SYNE2: variants seen among roughly 807,000 people sequenced by gnomAD.
SYNE2 encodes spectrin repeat containing nuclear envelope protein 2.
A neutral mutation model predicts 856.3 loss-of-function variants in SYNE2; 431 were observed. The ratio of observed to expected loss-of-function variants is 0.50; its 90% CI spans 0.47 to 0.55. SYNE2 has a LOEUF of 0.55. SYNE2 is among the 20% of genes least tolerant of loss of function. The probability of loss-of-function intolerance (pLI) is 0.00; values close to 1 mark genes in which losing one functional copy is unlikely to be tolerated. For missense variants in SYNE2, 8,129 were observed against 8,023.2 expected (o/e 1.01, Z -0.50); for synonymous variants, 2,923 against 2,872.3 (o/e 1.02, Z -0.56).
intron 1 of SYNE2, among the ~76,000 whole-genome samples, chr14:63,830,969 T>C (rs1889647295): frequency 1.3e-5 from 2 of 151,240 alleles, no homozygotes; most frequent in Admixed American, 1.3e-4. Context: ...GCCTCCCGAG[T>C]ATCTGGGATT....
At chr14:64,008,676 G>C (rs1046080292) in intron 31 of SYNE2, among the ~76,000 whole-genome samples, 1 of 152,152 alleles carries the variant, frequency 6.6e-6, no homozygotes, top group Non-Finnish European at 1.5e-5. Flanking sequence ...AGGGTGGGGA[G>C]TGGTGGAATG....
chr14:63,923,399 C>G (rs925573307), intron 2 of SYNE2, among the ~76,000 whole-genome samples: 1 of 152,238 alleles, frequency 6.6e-6, no homozygotes, highest in Non-Finnish European at 1.5e-5. Flanking sequence ...GTAGAAATCA[C>G]TGATCTTATG....
chr14:64,019,855 G>A (rs1245085639), intron 34 of SYNE2, 137 bp from the exon 35 acceptor site: 2 of 675,018 alleles, frequency 3.0e-6, no homozygotes, highest in East Asian at 2.8e-5. Flanking sequence ...TAACTTCTAG[G>A]ACTCTGACAA....
rs34392423 is a variant in SYNE2 at position 63,883,862 on chromosome 14, A to ATTT, written c.-51-25219_-51-25217dup. On this transcript the variant is annotated intron_variant, in intron 1 of 115. Coordinates refer to ENST00000555002, the MANE Select transcript of SYNE2 (RefSeq NM_182914.3). ...TTGCTTATAATACAGAAGCTGGTGA[A>ATTT]TTTTTTTTTTTTTTTTTTTGCATGG... 4.5e-3 allele frequency among the ~76,000 whole-genome samples: 582 copies of ATTT among 130,478 alleles called. 8 individuals are homozygous for ATTT. The highest frequency in any genetic ancestry group is 0.01 in the Admixed American group (129 of 12,654). 85.6% of individuals were successfully genotyped at this position (130,478 alleles called of 152,430 possible).
chr14:63,862,654 A>C (rs1894049185), intron 1 of SYNE2, among the ~76,000 whole-genome samples: 1 of 152,224 alleles, frequency 6.6e-6, no homozygotes, highest in Non-Finnish European at 1.5e-5. Context: ...AGTAAGAAAG[A>C]CTATACACGC....
rs576359134 is a variant in SYNE2 at position 63,987,514 on chromosome 14, C to T, written c.2313+897C>T. On this transcript the variant is annotated intron_variant, in intron 19 of 115. Coordinates refer to ENST00000555002, the MANE Select transcript of SYNE2 (RefSeq NM_182914.3). ...TGTAAAACCTACAGAGCATAAGTTA[C>T]AACAAGATGGGAAGTTCCTGGAATA... Among the ~76,000 whole-genome samples the T allele has an allele frequency of 1.2e-3, 184 of 152,220 alleles. 1 individual carries two copies. The highest frequency in any genetic ancestry group is 2.2e-3 in the Non-Finnish European group (149 of 68,006).
At chr14:63,876,051 A>G (rs537074918) in intron 1 of SYNE2, among the ~76,000 whole-genome samples, 1 of 152,268 alleles carries the variant, frequency 6.6e-6, no homozygotes, top group African/African-American at 2.4e-5. Flanking sequence ...AGTTTAAACT[A>G]TGATGGACCT....
intron 1 of SYNE2, among the ~76,000 whole-genome samples, chr14:63,772,660 T>A (rs1226588179): frequency 6.6e-6 from 1 of 150,392 alleles, no homozygotes; most frequent in Non-Finnish European, 1.5e-5. Flanking sequence ...GGAGAATCAC[T>A]TGAACCCGGG....
At chr14:63,815,063 CATCCACATATAT>C (rs1377556570) in intron 1 of SYNE2, among the ~76,000 whole-genome samples, 2 of 112,560 alleles carry the variant, frequency 1.8e-5, no homozygotes, top group African/African-American at 6.6e-5. Context: ...TCCATATATA[CATCCACATATAT>C]ATATCCATAT....
At chr14:64,085,043 T>TGA (rs2097549990) in intron 57 of SYNE2, 2 of 700,838 alleles carry the variant, frequency 2.9e-6, no homozygotes, top group African/African-American at 3.5e-5. Context: ...TCCAAGAGAG[T>TGA]GAGAGAGAGC....
intron 108 of SYNE2, 40 bp downstream of exon 108, chr14:64,216,427 G>A: frequency 6.3e-7 from 1 of 1,599,226 alleles, no homozygotes; most frequent in Non-Finnish European, 8.6e-7. Flanking sequence ...CTATGTCTGT[G>A]AGTCATACTT....
chr14:63,998,201 T>C lies in SYNE2; in HGVS notation c.3244-18T>C. On this transcript the variant is annotated intron_variant, in intron 25 of 115. Transcript: ENST00000555002. ...TATGTTTAAGATATTTCGTTTACTA[T>C]TTTGCATATTCCCTTAGGCAATGGA... 1 of 1,538,688 alleles carries C rather than the reference T, an allele frequency of 6.5e-7. No homozygotes were observed. The highest frequency in any genetic ancestry group is 1.7e-4 in the Middle Eastern group (1 of 5,918).
intron 48 of SYNE2, 103 bp downstream of exon 48, chr14:64,053,760 T>A: frequency 1.7e-6 from 2 of 1,161,096 alleles, no homozygotes; most frequent in Non-Finnish European, 2.4e-6. Context: ...TGAGGCCAAG[T>A]AGAGACCAGC....
At chr14:63,931,783 A>G (rs970736928) in intron 2 of SYNE2, among the ~76,000 whole-genome samples, 5 of 152,162 alleles carry the variant, frequency 3.3e-5, no homozygotes, top group African/African-American at 1.2e-4. Context: ...CCAAGTTCTC[A>G]TGTTGAGTAG....
intron 6 of SYNE2, among the ~76,000 whole-genome samples, chr14:63,945,049 C>T (rs1251555040): frequency 1.3e-5 from 2 of 149,950 alleles, no homozygotes; most frequent in South Asian, 2.1e-4. Flanking sequence ...CTCAAATCCA[C>T]GCACCTCGGC....
chr14:64,195,643 C>T (rs1480155423), intron 99 of SYNE2, among the ~76,000 whole-genome samples: 1 of 152,232 alleles, frequency 6.6e-6, no homozygotes, highest in Non-Finnish European at 1.5e-5. Flanking sequence ...GAAGTTACGA[C>T]CGTGGCAGTT....
chr14:64,030,441 C>T (rs866219603), intron 44 of SYNE2, among the ~76,000 whole-genome samples: 1 of 152,180 alleles, frequency 6.6e-6, no homozygotes, highest in African/African-American at 2.4e-5. Flanking sequence ...AACTGTACAT[C>T]GTTCACCTAG....
At position 64,141,817 on chromosome 14, in the gene SYNE2, T is replaced by C. The variant is rs533327415; in HGVS notation, c.15160-125T>C. ...TAAGTTTGAATGCTGGGTTTGTTTT[T>C]TTTTTGAGTAACCTGCATAATTATA... On this transcript the variant is annotated intron_variant, in intron 81 of 115. Coordinates refer to ENST00000555002, the MANE Select transcript of SYNE2 (RefSeq NM_182914.3). 6.3e-4 allele frequency: 828 copies of C among 1,310,316 alleles called. 1 individual carries two copies. Among genetic ancestry groups the C allele is most frequent in the Admixed American group, 1.9e-3 (81 of 41,880 alleles). 81.2% of individuals were successfully genotyped at this position (1,310,316 alleles called of 1,614,324 possible).
chr14:64,134,213 C>A lies in SYNE2; in HGVS notation c.14646+13C>A. On this transcript the variant is annotated intron_variant, in intron 78 of 115. Coordinates refer to ENST00000555002, the MANE Select transcript of SYNE2 (RefSeq NM_182914.3). ...TTCATTTTACCAGGTATTTGTCTTC[C>A]ATTTAAGTTATCAAAGGCGTGTCCA... 6.2e-7 allele frequency: 1 copy of A among 1,613,800 alleles called. No individual in the cohort carries two copies. Among genetic ancestry groups the A allele is most frequent in the South Asian group, 1.1e-5 (1 of 91,036 alleles).
Sources: allele counts gnomAD v4.1 joint callset (sites outside exome capture counted in the v4.1 genomes callset), GRCh38; gene constraint gnomAD v4.1.1; transcripts MANE v1.5; gene names NCBI Gene and HGNC (gene_info 2026-07-23, HGNC 2026-07-21).